NCKAP5: variants seen among roughly 807,000 people sequenced by gnomAD.
NCKAP5 encodes the protein NCK associated protein 5, also known as nck-associated protein 5.
A neutral mutation model predicts 167.0 loss-of-function variants in NCKAP5; 92 were observed. The ratio of observed to expected loss-of-function variants is 0.55; its 90% confidence interval spans 0.47 to 0.66. The LOEUF (loss-of-function observed/expected upper bound fraction) is 0.66. Among genes scored for constraint, NCKAP5 ranks in the 30% least tolerant of loss-of-function variants. NCKAP5 has a pLI of 0.00. For missense variants in NCKAP5, 2,378 were observed against 2,315.0 expected (o/e 1.03, Z -0.56); for synonymous variants, 891 against 877.4 (o/e 1.02, Z -0.27).
intron 4 of NCKAP5, among the ~76,000 whole-genome samples, chr2:133,298,270 C>T (rs1680105731): frequency 6.6e-6 from 1 of 152,150 alleles, no homozygotes; most frequent in Admixed American, 6.5e-5. Context: ...TTCAATACCA[C>T]CCATTTCCAT....
At chr2:132,759,766 T>A (rs1040376138) in intron 16 of NCKAP5, among the ~76,000 whole-genome samples, 2 of 152,128 alleles carry the variant, frequency 1.3e-5, no homozygotes, top group Non-Finnish European at 2.9e-5. Flanking sequence ...TGCTTGATAA[T>A]CTTTGCCTTT....
At chr2:132,968,119 G>A (rs1436902901) in intron 7 of NCKAP5, among the ~76,000 whole-genome samples, 1 of 152,172 alleles carries the variant, frequency 6.6e-6, no homozygotes, top group Non-Finnish European at 1.5e-5. Flanking sequence ...AGATCAGAAA[G>A]AGAGCTGGAC....
At chr2:133,574,751 C>T in the NCKAP5 span, among the ~76,000 whole-genome samples, 2 of 152,078 alleles carry the variant, frequency 1.3e-5, no homozygotes, top group Non-Finnish European at 2.9e-5. Flanking sequence ...TCAGAAAAGG[C>T]ATCCTTACAG....
chr2:133,437,183 C>T (rs1197076447), intron 3 of NCKAP5, among the ~76,000 whole-genome samples: 1 of 152,006 alleles, frequency 6.6e-6, no homozygotes, highest in Non-Finnish European at 1.5e-5. Flanking sequence ...GAAACCCCGT[C>T]TCTACTAGAA....
In NCKAP5 at chr2:132,965,620, C is replaced by A. The variant is rs145661115; in HGVS notation, c.430-1751G>T. Among the ~76,000 whole-genome samples, 670 of 152,218 alleles carry A rather than the reference C, an allele frequency of 4.4e-3. 24 individuals are homozygous for A. The highest frequency in any genetic ancestry group is 0.038 in the Admixed American group (589 of 15,302). On this transcript the variant is annotated intron_variant, in intron 7 of 19. Coordinates refer to ENST00000409261, the MANE Select transcript of NCKAP5 (RefSeq NM_207363.3). ...ACATATATCCACACATACACATACA[C>A]ATATACACAGTCACACATTCCTTAG... is the stretch of plus-strand genomic sequence containing the variant.
chr2:133,505,260 T>C (rs1377097324), intron 3 of NCKAP5, among the ~76,000 whole-genome samples: 1 of 152,086 alleles, frequency 6.6e-6, no homozygotes, highest in Non-Finnish European at 1.5e-5. Flanking sequence ...TGCTGAGCAA[T>C]TGAACTAAGA....
intron 6 of NCKAP5, among the ~76,000 whole-genome samples, chr2:133,121,459 G>A (rs373736205): frequency 1.5e-4 from 23 of 152,138 alleles, no homozygotes; most frequent in African/African-American, 5.3e-4. Flanking sequence ...ATGGGATTCT[G>A]GGTGGCCGGC....
rs189937268 is a variant in NCKAP5 at position 133,488,513 on chromosome 2, C to A, written c.69+28945G>T. ...CCTAGGGCAACAAACGCACATTTTT[C>A]CATCCAGTCTAGGCATATGGAGTGT... On this transcript the variant is annotated intron_variant, in intron 3 of 19. Transcript: ENST00000409261. 2.6e-5 allele frequency among the ~76,000 whole-genome samples: 4 copies of A among 152,234 alleles called. No homozygotes were observed. In the East Asian group the frequency reaches 7.7e-4, roughly 29 times the overall value.
chr2:133,670,138 G>A, the NCKAP5 span, among the ~76,000 whole-genome samples: 1 of 152,212 alleles, frequency 6.6e-6, no homozygotes, highest in Non-Finnish European at 1.5e-5. Flanking sequence ...GTGACTTGGG[G>A]AAGCCACTTT....
intron 16 of NCKAP5, among the ~76,000 whole-genome samples, chr2:132,742,233 G>T (rs977339136): frequency 3.3e-5 from 5 of 151,906 alleles, no homozygotes; most frequent in African/African-American, 1.2e-4. Flanking sequence ...TTCACATCAG[G>T]TTTGGTGAAT....
chr2:133,496,326 T>C (rs1681945350), intron 3 of NCKAP5, among the ~76,000 whole-genome samples: 1 of 152,202 alleles, frequency 6.6e-6, no homozygotes, highest in Non-Finnish European at 1.5e-5. Context: ...CATTTCTCAT[T>C]ATCCTTTATG....
At chr2:132,699,791 C>T (rs866352140) in intron 19 of NCKAP5, among the ~76,000 whole-genome samples, 20 of 152,258 alleles carry the variant, frequency 1.3e-4, no homozygotes, top group Middle Eastern at 3.4e-3. Flanking sequence ...AATAAACATA[C>T]GTGTGCATGT....
chr2:133,286,813 A>AC (rs397872438), intron 4 of NCKAP5, among the ~76,000 whole-genome samples: 6 of 152,278 alleles, frequency 3.9e-5, no homozygotes, highest in Non-Finnish European at 8.8e-5. Flanking sequence ...GCGAAAAAAA[A>AC]CATGAAAAAC....
intron 3 of NCKAP5, among the ~76,000 whole-genome samples, chr2:133,368,185 T>A (rs989778976): frequency 6.6e-5 from 10 of 152,242 alleles, no homozygotes; most frequent in African/African-American, 2.4e-4. Flanking sequence ...TATACTTTAA[T>A]ATTCATACAA....
At position 132,782,934 on chromosome 2, in the gene NCKAP5, C is replaced by G. The variant is rs766586195; in HGVS notation, c.3877G>C (p.Gly1293Arg). ...GDKPSTPPIE[G>R]SGKVRTQIIT... ...ATCTGAGTGCGGACTTTGCCTGACC[C>G]TTCGATGGGGGGCGTAGAAGGCTTG... Residue 1293 changes from glycine (G) to arginine (R), a missense_variant, in exon 14 of 20, where the codon GGG becomes CGG. By Grantham distance (125) the Gly-to-Arg change is moderately radical (BLOSUM62 -2). Transcript: ENST00000409261. 1 of 1,613,870 alleles carries G rather than the reference C, an allele frequency of 6.2e-7. No homozygotes were observed. The highest frequency in any genetic ancestry group is 8.5e-7 in the Non-Finnish European group (1 of 1,179,902).
chr2:132,986,528 G>C (rs981553847), intron 7 of NCKAP5, among the ~76,000 whole-genome samples: 2 of 152,134 alleles, frequency 1.3e-5, no homozygotes. Flanking sequence ...AACTAGTCAG[G>C]AACTTTCCAG....
chr2:132,962,451 G>A (rs1397105753), intron 8 of NCKAP5, among the ~76,000 whole-genome samples: 1 of 151,996 alleles, frequency 6.6e-6, no homozygotes, highest in Non-Finnish European at 1.5e-5. Context: ...GCTTCAAAGT[G>A]CATAATCTCA....
intron 3 of NCKAP5, among the ~76,000 whole-genome samples, chr2:133,324,245 G>A (rs1014357863): frequency 2.6e-5 from 4 of 152,212 alleles, no homozygotes; most frequent in African/African-American, 9.6e-5. Flanking sequence ...ATGGCTCAAG[G>A]GAATCATAAA....
At chr2:132,997,517 T>C (rs2077639828) in intron 6 of NCKAP5, among the ~76,000 whole-genome samples, 1 of 152,116 alleles carries the variant, frequency 6.6e-6, no homozygotes, top group Non-Finnish European at 1.5e-5. Flanking sequence ...AATCATTCTA[T>C]CTATTTGGTA....
Sources: allele counts gnomAD v4.1 joint callset (sites outside exome capture counted in the v4.1 genomes callset), GRCh38; gene constraint gnomAD v4.1.1; transcripts MANE v1.5; gene names NCBI Gene and HGNC (gene_info 2026-07-23, HGNC 2026-07-21).